CUL5: variants seen among roughly 807,000 people sequenced by gnomAD.
CUL5 encodes cullin 5.
CUL5 carries 26 observed loss-of-function variants against 108.8 expected under a neutral mutation model. The observed-to-expected ratio is 0.24, with a 90% CI of 0.18 to 0.33. The LOEUF is 0.33. Ranked by LOEUF, CUL5 falls within the 10% of genes least tolerant of loss-of-function variation. The pLI, the probability that CUL5 is intolerant of heterozygous loss-of-function variation, is 1.00. For missense variants in CUL5, 524 were observed against 909.2 expected (o/e 0.58, Z 5.45); for synonymous variants, 334 against 298.0 (o/e 1.12, Z -1.25).
At chr11:108,056,422 T>C (rs1863380201) in intron 7 of CUL5, among the ~76,000 whole-genome samples, 1 of 152,238 alleles carries the variant, frequency 6.6e-6, no homozygotes, top group Admixed American at 6.5e-5. Flanking sequence ...TGTTCAGAAA[T>C]CACACCGAGT....
At chr11:108,066,996 A>G (rs975349283) in intron 7 of CUL5, among the ~76,000 whole-genome samples, 3 of 152,214 alleles carry the variant, frequency 2.0e-5, no homozygotes, top group Non-Finnish European at 4.4e-5. Flanking sequence ...AGCCATCACT[A>G]AGTATGTACA....
At position 108,050,070 on chromosome 11, in the gene CUL5, A is replaced by G; in HGVS notation, c.411+4A>G. On this transcript the variant is annotated splice_donor_region_variant and intron_variant, in intron 4 of 18. Transcript: ENST00000393094. ...GGAAGACAGTATTGTTCGAAAGGTA[A>G]GACTATTTTTCTCCTTGTTTTCCTA... 6.3e-7 allele frequency: 1 copy of G among 1,579,600 alleles called. No homozygotes were observed. The highest frequency in any genetic ancestry group is 8.6e-7 in the Non-Finnish European group (1 of 1,163,816).
chr11:108,088,096 G>A (rs1037707147), intron 11 of CUL5, among the ~76,000 whole-genome samples: 1 of 151,360 alleles, frequency 6.6e-6, no homozygotes, highest in Non-Finnish European at 1.5e-5. Flanking sequence ...ATGGAATGTA[G>A]GTTATATTGG....
chr11:108,063,156 T>G (rs1863584561), intron 7 of CUL5, among the ~76,000 whole-genome samples: 1 of 152,160 alleles, frequency 6.6e-6, no homozygotes, highest in Admixed American at 6.6e-5. Flanking sequence ...TTCATTCTGG[T>G]TTTTTTGTAC....
chr11:108,028,380 G>A, intron 1 of CUL5, among the ~76,000 whole-genome samples: 1 of 151,994 alleles, frequency 6.6e-6, no homozygotes, highest in East Asian at 1.9e-4. Context: ...ACCACCTTTT[G>A]GGCATCTAAA....
chr11:108,060,722 A>C (rs1429440039), intron 7 of CUL5, among the ~76,000 whole-genome samples: 4 of 152,066 alleles, frequency 2.6e-5, no homozygotes, highest in Non-Finnish European at 5.9e-5. Context: ...CTGTAATCTC[A>C]GCTACTCGGG....
In CUL5 at chr11:108,078,305, A is replaced by G. The variant is rs997032142; in HGVS notation, c.1178+65A>G. 6 of 798,602 alleles carry G rather than the reference A, an allele frequency of 7.5e-6. No individual in the cohort carries two copies. The African/African-American group carries it at 8.9e-5, about 12-fold the overall frequency. 49.5% of individuals were successfully genotyped at this position (798,602 alleles called of 1,614,324 possible). ...TTCTTTAGTGTAATAGGGGTTAACT[A>G]GGTATACAAAGTACCCTGTTAGGTT... On this transcript the variant is annotated intron_variant, in intron 11 of 18. Coordinates refer to ENST00000393094, the MANE Select transcript of CUL5 (RefSeq NM_003478.6).
intron 13 of CUL5, among the ~76,000 whole-genome samples, chr11:108,089,915 C>T (rs1003295298): frequency 3.3e-5 from 5 of 151,942 alleles, no homozygotes; most frequent in South Asian, 4.2e-4. Context: ...TGGTGCACTC[C>T]GGTAATTCCA....
At chr11:108,017,846 CAAAAA>C (rs113605419) in intron 1 of CUL5, among the ~76,000 whole-genome samples, 2 of 142,768 alleles carry the variant, frequency 1.4e-5, no homozygotes, top group African/African-American at 2.6e-5. Context: ...GACCCTGTCT[CAAAAA>C]AAAAAAGTGT....
intron 1 of CUL5, among the ~76,000 whole-genome samples, chr11:108,018,344 C>A (rs1420739274): frequency 2.0e-5 from 3 of 152,162 alleles, no homozygotes; most frequent in Non-Finnish European, 4.4e-5. Flanking sequence ...AGTTCCATGT[C>A]TGTGGATTCA....
In CUL5 at chr11:108,095,698, TTA is replaced by T; in HGVS notation, c.1905+9_1905+10del. On this transcript the variant is annotated splice_region_variant and intron_variant, in intron 16 of 18. Transcript: ENST00000393094. ...ACTTAGGAGGACTTTATGGGTTGGT[TTA>T]TGTTTTTTTGTTTTTAAGACTGTAT... is the stretch of plus-strand genomic sequence containing the variant. 1 of 1,606,244 alleles carries T rather than the reference TTA, an allele frequency of 6.2e-7. No homozygotes were observed. The highest frequency in any genetic ancestry group is 1.3e-5 in the African/African-American group (1 of 74,464).
At chr11:108,045,869 A>G (rs1479232411) in intron 2 of CUL5, among the ~76,000 whole-genome samples, 1 of 152,200 alleles carries the variant, frequency 6.6e-6, no homozygotes, top group Non-Finnish European at 1.5e-5. Flanking sequence ...CTAAAAAATA[A>G]AAATAAAAAA....
intron 11 of CUL5, 110 bp from the exon 12 acceptor site, chr11:108,088,417 T>C: frequency 8.3e-7 from 1 of 1,208,978 alleles, no homozygotes; most frequent in Non-Finnish European, 1.2e-6. Context: ...CCAAACCTGA[T>C]CACTAGATTA....
rs200991204 is a variant in CUL5, at chr11:108,048,648, C to CTTTTTTT, written c.235-1212_235-1206dup. The stretch of plus-strand genomic sequence containing the variant: ...ATAGTGGGGAAATAGACTCCACCAC[C>CTTTTTTT]TTTTTTTTTTTTTTTTTTTTTTTTT... On this transcript the variant is annotated intron_variant, in intron 3 of 18. Coordinates refer to ENST00000393094, the MANE Select transcript of CUL5 (RefSeq NM_003478.6). 8.6e-4 allele frequency among the ~76,000 whole-genome samples: 100 copies of CTTTTTTT among 116,840 alleles called. 6 individuals carry two copies. The highest frequency in any genetic ancestry group is 3.2e-3 in the African/African-American group (82 of 25,830). The allele number at this position is 116,840 out of a possible 152,430, so 76.7% of individuals were successfully genotyped here. A position where few individuals can be genotyped will look rare whatever the true frequency, so the allele number is the denominator to read the frequency against.
chr11:108,009,271 G>A lies in CUL5; in HGVS notation c.-78G>A, dbSNP rs1209066405. ...CGACGGGCCCTGGGCCCTGGTGGGA[G>A]CTCCGGCCTCCGGTCAAGGCCTGGC... On this transcript the variant is annotated 5_prime_UTR_variant, in exon 1 of 19. Coordinates refer to ENST00000393094, the MANE Select transcript of CUL5 (RefSeq NM_003478.6). 2 of 1,541,098 alleles carry A rather than the reference G, an allele frequency of 1.3e-6. No individual in the cohort carries two copies. The highest frequency in any genetic ancestry group is 1.4e-5 in the African/African-American group (1 of 73,678).
At chr11:108,089,163 G>GA (rs1224593190) in intron 12 of CUL5, among the ~76,000 whole-genome samples, 7 of 151,562 alleles carry the variant, frequency 4.6e-5, no homozygotes, top group African/African-American at 7.3e-5. Flanking sequence ...ACTAGTGTCA[G>GA]AAAAAAAAGT....
At chr11:108,016,750 C>T (rs1862201489) in intron 1 of CUL5, among the ~76,000 whole-genome samples, 1 of 151,900 alleles carries the variant, frequency 6.6e-6, no homozygotes, top group Non-Finnish European at 1.5e-5. Flanking sequence ...TGCTTGAGGC[C>T]AGGAGTTTGA....
intron 4 of CUL5, among the ~76,000 whole-genome samples, chr11:108,051,692 A>G (rs1231462622): frequency 1.3e-5 from 2 of 152,198 alleles, no homozygotes; most frequent in African/African-American, 4.8e-5. Flanking sequence ...CAGACCTTTT[A>G]TAAGGTCCAG....
chr11:108,047,155 A>G (rs1185225398), intron 3 of CUL5, among the ~76,000 whole-genome samples: 1 of 152,026 alleles, frequency 6.6e-6, no homozygotes, highest in East Asian at 1.9e-4. Flanking sequence ...TTGCCTCTAT[A>G]CAAAATAAAA....
Sources: allele counts gnomAD v4.1 joint callset (sites outside exome capture counted in the v4.1 genomes callset), GRCh38; gene constraint gnomAD v4.1.1; transcripts MANE v1.5; gene names NCBI Gene and HGNC (gene_info 2026-07-23, HGNC 2026-07-21).